NCAM1: variants seen among roughly 807,000 people sequenced by gnomAD.
The protein encoded by NCAM1 is antigen recognized by monoclonal antibody 5.1H11.
NCAM1 carries 14 observed loss-of-function variants against 109.8 expected under a neutral mutation model. The ratio of observed to expected loss-of-function variants is 0.13; its 90% CI spans 0.08 to 0.20. NCAM1 has a LOEUF of 0.20. Among genes scored for constraint, NCAM1 ranks in the 10% least tolerant of loss-of-function variants. The pLI is 1.00. For synonymous variants in NCAM1, 418 were observed against 442.9 expected (o/e 0.94, Z 0.70); for missense variants, 774 against 1,109.9 (o/e 0.70, Z 4.30).
chr11:113,057,505 G>T (rs1371906109), intron 1 of NCAM1, among the ~76,000 whole-genome samples: 2 of 152,086 alleles, frequency 1.3e-5, no homozygotes, highest in African/African-American at 4.8e-5. Context: ...ATGGCTTCTT[G>T]GAACTCTGAA....
intron 1 of NCAM1, among the ~76,000 whole-genome samples, chr11:113,030,490 C>T (rs1952682477): frequency 6.6e-6 from 1 of 152,140 alleles, no homozygotes; most frequent in Non-Finnish European, 1.5e-5. Context: ...AAGATGTTAT[C>T]TCTCATTGAT....
chr11:113,004,899 G>C (rs542239009), intron 1 of NCAM1, among the ~76,000 whole-genome samples: 2 of 151,366 alleles, frequency 1.3e-5, no homozygotes, highest in Admixed American at 1.3e-4. Flanking sequence ...GGGCCTTCTG[G>C]ATTGAGCTTC....
At chr11:113,078,976 C>A (rs2135649300) in intron 1 of NCAM1, among the ~76,000 whole-genome samples, 1 of 152,240 alleles carries the variant, frequency 6.6e-6, no homozygotes, top group African/African-American at 2.4e-5. Flanking sequence ...GCCGGGCTGG[C>A]TACTGGGCCG....
intron 1 of NCAM1, among the ~76,000 whole-genome samples, chr11:113,156,254 CT>C (rs1942404955): frequency 6.6e-6 from 1 of 152,028 alleles, no homozygotes; most frequent in Non-Finnish European, 1.5e-5. Context: ...AGGACAGAGG[CT>C]TGGGTGTGAG....
At chr11:113,267,311 G>A (rs1454607887) in intron 17 of NCAM1, among the ~76,000 whole-genome samples, 1 of 152,152 alleles carries the variant, frequency 6.6e-6, no homozygotes, top group Non-Finnish European at 1.5e-5. Flanking sequence ...GTACCTGCTG[G>A]GATGTCCTAG....
At chr11:113,130,237 T>C (rs1555098091) in intron 1 of NCAM1, among the ~76,000 whole-genome samples, 1 of 152,258 alleles carries the variant, frequency 6.6e-6, no homozygotes, top group East Asian at 1.9e-4. Flanking sequence ...TTAGGAGCAT[T>C]GGAATTAACT....
At chr11:113,029,094 G>A (rs782106964) in intron 1 of NCAM1, among the ~76,000 whole-genome samples, 9 of 152,154 alleles carry the variant, frequency 5.9e-5, no homozygotes, top group Admixed American at 2.6e-4. Flanking sequence ...CAGGTATACA[G>A]AATAAAACTT....
At position 113,106,662 on chromosome 11, in the gene NCAM1, C is replaced by T. The variant is rs184776431; in HGVS notation, c.53-95717C>T. Among the ~76,000 whole-genome samples the T allele has an allele frequency of 1.5e-3, 231 of 152,236 alleles. No homozygotes were observed. The East Asian group carries it at 0.017, about 11-fold the overall frequency. On this transcript the variant is annotated intron_variant, in intron 1 of 19. Transcript: ENST00000316851. ...CATTGTGGTTTCAGATAAACTGAACCGTGGCTCTTGGAATGGGAAGAATGC... is the reference window on the plus strand; with the variant it reads ...CATTGTGGTTTCAGATAAACTGAACTGTGGCTCTTGGAATGGGAAGAATGC...
At chr11:113,033,753 C>A (rs1334037144) in intron 1 of NCAM1, among the ~76,000 whole-genome samples, 3 of 152,146 alleles carry the variant, frequency 2.0e-5, no homozygotes, top group Non-Finnish European at 4.4e-5. Flanking sequence ...ATTTGTTGAA[C>A]TTCCGCTGTG....
intron 1 of NCAM1, among the ~76,000 whole-genome samples, chr11:113,097,493 A>C (rs1193336420): frequency 6.6e-5 from 10 of 152,194 alleles, no homozygotes; most frequent in Non-Finnish European, 1.0e-4. Context: ...TTAGGAGTCA[A>C]CAAACATACC....
intron 1 of NCAM1, among the ~76,000 whole-genome samples, chr11:113,102,911 G>C (rs1354338457): frequency 6.6e-6 from 1 of 152,094 alleles, no homozygotes; most frequent in Non-Finnish European, 1.5e-5. Flanking sequence ...TCCCTCATAA[G>C]AACAAAAACA....
intron 8 of NCAM1, among the ~76,000 whole-genome samples, chr11:113,214,836 C>T (rs1044644657): frequency 6.6e-6 from 1 of 152,156 alleles, no homozygotes; most frequent in Non-Finnish European, 1.5e-5. Context: ...AAGGCAATAT[C>T]CTGGTCCACC....
At chr11:113,234,332 CA>C (rs1945098932) in intron 13 of NCAM1, among the ~76,000 whole-genome samples, 1 of 151,668 alleles carries the variant, frequency 6.6e-6, no homozygotes, top group African/African-American at 2.4e-5. Context: ...TACGTTCCAT[CA>C]TTTTTAAGTG....
intron 9 of NCAM1, among the ~76,000 whole-genome samples, chr11:113,228,061 T>C (rs1944900874): frequency 6.6e-6 from 1 of 152,156 alleles, no homozygotes; most frequent in African/African-American, 2.4e-5. Flanking sequence ...CTATTCAACA[T>C]AGTGTTGGAA....
chr11:113,118,648 C>A (rs1940813056), intron 1 of NCAM1, among the ~76,000 whole-genome samples: 1 of 151,882 alleles, frequency 6.6e-6, no homozygotes, highest in Admixed American at 6.6e-5. Context: ...GATTCGTGGC[C>A]TCTAGAGGTG....
At chr11:113,166,560 T>C (rs184725619) in intron 1 of NCAM1, among the ~76,000 whole-genome samples, 1 of 152,220 alleles carries the variant, frequency 6.6e-6, no homozygotes, top group Admixed American at 6.5e-5. Context: ...GATATGAATA[T>C]GAGAGGACAT....
Position 113,187,791 on chromosome 11 carries a change from G to A in NCAM1, c.53-14588G>A, listed in dbSNP as rs191427697. ...TTGTACCAGAGGGAGTTTGAGGACCGCCACTGGAATTGTGTGCTCTTTTTT... is the reference window on the plus strand; with the variant it reads ...TTGTACCAGAGGGAGTTTGAGGACCACCACTGGAATTGTGTGCTCTTTTTT... On this transcript the variant is annotated intron_variant, in intron 1 of 19. Coordinates refer to ENST00000316851, the MANE Select transcript of NCAM1 (RefSeq NM_181351.5). Among the ~76,000 whole-genome samples the A allele has an allele frequency of 3.4e-3, 525 of 152,202 alleles. 4 individuals are homozygous for A. The highest frequency in any genetic ancestry group is 0.012 in the African/African-American group (515 of 41,522).
chr11:113,117,655 A>AT (rs1940769797), intron 1 of NCAM1, among the ~76,000 whole-genome samples: 1 of 152,058 alleles, frequency 6.6e-6, no homozygotes, highest in Non-Finnish European at 1.5e-5. Flanking sequence ...GGAAAACGAA[A>AT]TTGTGTATGA....
chr11:113,138,262 G>A (rs563445583), intron 1 of NCAM1, among the ~76,000 whole-genome samples: 1 of 152,230 alleles, frequency 6.6e-6, no homozygotes, highest in African/African-American at 2.4e-5. Context: ...GAGTTTGAGA[G>A]ATGAATGTGT....
Sources: gnomAD v4.1 joint callset for allele counts (sites outside exome capture counted in the v4.1 genomes callset) on GRCh38, gnomAD v4.1.1 for gene constraint, MANE v1.5 for transcripts, NCBI Gene and HGNC (gene_info 2026-07-23, HGNC 2026-07-21) for gene names.